The following JAM3 variants were observed in gnomAD, a reference collection of about 807,000 sequenced individuals.
JAM3 encodes the protein junctional adhesion molecule 3, also known as junctional adhesion molecule C.
In JAM3, 31 loss-of-function variants were observed where a neutral mutation model predicts 39.4. The observed-to-expected ratio is 0.79, with a 90% CI of 0.59 to 1.06. The LOEUF is 1.06. Ranked by LOEUF, JAM3 falls within the 50% of genes least tolerant of loss-of-function variation. The probability of loss-of-function intolerance (pLI) is 0.00; values close to 1 mark genes in which losing one functional copy is unlikely to be tolerated. For missense variants in JAM3, 455 were observed against 391.4 expected (o/e 1.16, Z -1.37); for synonymous variants, 182 against 148.7 (o/e 1.22, Z -1.63).
chr11:134,149,250 G>A lies in JAM3; in HGVS notation c.*69G>A, dbSNP rs1381973902. On this transcript the variant is annotated 3_prime_UTR_variant, in exon 9 of 9. Transcript: ENST00000299106. ...ACCTCTGCTAGAAACTCCTGTCAAG[G>A]CAGCGAGAGCTGATGCACTCGGACA... The A allele has an allele frequency of 1.3e-6, 2 of 1,591,296 alleles. No individual in the cohort carries two copies. Among genetic ancestry groups the A allele is most frequent in the Non-Finnish European group, 1.7e-6 (2 of 1,160,710 alleles).
At chr11:134,148,261 G>A (rs578193003) in intron 6 of JAM3, 96 of 461,938 alleles carry the variant, frequency 2.1e-4, no homozygotes, top group African/African-American at 1.5e-3. Flanking sequence ...TCAGCCAGAG[G>A]ATTTTTAAGC....
At chr11:134,136,041 G>T (rs1224619352) in intron 1 of JAM3, among the ~76,000 whole-genome samples, 1 of 152,080 alleles carries the variant, frequency 6.6e-6, no homozygotes, top group Admixed American at 6.5e-5. Context: ...TTGCACTCCA[G>T]CCTGGGTGAC....
At chr11:134,095,729 C>G (rs187100040) in intron 1 of JAM3, among the ~76,000 whole-genome samples, 3 of 152,072 alleles carry the variant, frequency 2.0e-5, no homozygotes, top group Non-Finnish European at 4.4e-5. Context: ...TACTCAGTTA[C>G]GAGTGTGCTG....
intron 1 of JAM3, among the ~76,000 whole-genome samples, chr11:134,108,904 G>A (rs1018571792): frequency 1.6e-4 from 24 of 152,244 alleles, no homozygotes; most frequent in African/African-American, 5.8e-4. Context: ...CCATGAAAAA[G>A]TTATAGGTAA....
At chr11:134,086,059 C>T (rs1186113636) in intron 1 of JAM3, among the ~76,000 whole-genome samples, 1 of 152,146 alleles carries the variant, frequency 6.6e-6, no homozygotes, top group Non-Finnish European at 1.5e-5. Flanking sequence ...ATAATCTCCT[C>T]ACATATTTGA....
Position 134,114,716 on chromosome 11 carries a change from T to G in JAM3, c.77-25135T>G, listed in dbSNP as rs556048612. On this transcript the variant is annotated intron_variant, in intron 1 of 8. Coordinates refer to ENST00000299106, the MANE Select transcript of JAM3 (RefSeq NM_032801.5). ...CACTGTGGTCAGAAAACAAACTTTG[T>G]ATGACTTGAATCTTTTAAAACGTAT... is the stretch of plus-strand genomic sequence containing the variant. 3.3e-5 allele frequency among the ~76,000 whole-genome samples: 5 copies of G among 152,362 alleles called. No individual in the cohort carries two copies. The East Asian group carries it at 9.6e-4, about 29-fold the overall frequency.
intron 3 of JAM3, among the ~76,000 whole-genome samples, chr11:134,143,020 A>G (rs1279311808): frequency 3.3e-5 from 5 of 152,084 alleles, no homozygotes; most frequent in Admixed American, 1.3e-4. Context: ...GGTTGTTTCC[A>G]CTTTTTGGCT....
At chr11:134,099,201 AAAAAAT>A (rs546835822) in intron 1 of JAM3, among the ~76,000 whole-genome samples, 6 of 152,148 alleles carry the variant, frequency 3.9e-5, no homozygotes, top group East Asian at 1.9e-4. Context: ...ACCCTATTTC[AAAAAAT>A]AAAAATAAAA....
chr11:134,144,781 T>G lies in JAM3; in HGVS notation c.410-11T>G. 2.5e-6 allele frequency: 4 copies of G among 1,613,062 alleles called. No homozygotes were observed. The highest frequency in any genetic ancestry group is 3.4e-6 in the Non-Finnish European group (4 of 1,179,100). On this transcript the variant is annotated splice_polypyrimidine_tract_variant and intron_variant, in intron 4 of 8. Transcript: ENST00000299106. ...ACTGAGATCTTAAACACCACCCCTT[T>G]TTCCCCACAGTGAAGCCAGTGACCC...
Position 134,119,427 on chromosome 11 carries a change from A to G in JAM3, c.77-20424A>G, listed in dbSNP as rs73042006. 7.3e-3 allele frequency among the ~76,000 whole-genome samples: 1,118 copies of G among 152,270 alleles called. 7 individuals carry two copies. Among genetic ancestry groups the G allele is most frequent in the Non-Finnish European group, 0.011 (753 of 68,024 alleles). ...TGTCTATACAGTGAAATGACTTAAG[A>G]TTTTTCTTTTAAGAAGTGCCATTGC... On this transcript the variant is annotated intron_variant, in intron 1 of 8. Transcript: ENST00000299106.
At chr11:134,098,125 T>C (rs2120670111) in intron 1 of JAM3, among the ~76,000 whole-genome samples, 1 of 152,252 alleles carries the variant, frequency 6.6e-6, no homozygotes, top group African/African-American at 2.4e-5. Flanking sequence ...ACCCAGGGCA[T>C]CGTGCTAAAG....
intron 1 of JAM3, among the ~76,000 whole-genome samples, chr11:134,088,816 G>C (rs937652696): frequency 6.6e-6 from 1 of 152,134 alleles, no homozygotes; most frequent in Non-Finnish European, 1.5e-5. Context: ...TTGAGATGGA[G>C]TCTCACTCTG....
chr11:134,100,166 C>CT (rs1942048347), intron 1 of JAM3, among the ~76,000 whole-genome samples: 1 of 151,796 alleles, frequency 6.6e-6, no homozygotes, highest in Non-Finnish European at 1.5e-5. Context: ...CCCTTTCCTC[C>CT]TTAAAAAAAA....
intron 1 of JAM3, among the ~76,000 whole-genome samples, chr11:134,087,148 A>T (rs1001736034): frequency 1.3e-5 from 2 of 152,074 alleles, no homozygotes; most frequent in African/African-American, 4.8e-5. Flanking sequence ...TAGTGAAATG[A>T]AGCAACAGAA....
chr11:134,097,387 G>A (rs1942002851), intron 1 of JAM3, among the ~76,000 whole-genome samples: 1 of 152,180 alleles, frequency 6.6e-6, no homozygotes, highest in Non-Finnish European at 1.5e-5. Context: ...CTCTTCTACA[G>A]CACTTGCTCA....
Position 134,098,625 on chromosome 11 carries a change from T to C in JAM3, c.76+29466T>C, listed in dbSNP as rs541989315. On this transcript the variant is annotated intron_variant, in intron 1 of 8. Transcript: ENST00000299106. ...CTAAAATGGCAGAGAGAAATCCTTG[T>C]TGCATCATAACAAGGACATTGTCAA... 2.0e-5 allele frequency among the ~76,000 whole-genome samples: 3 copies of C among 152,278 alleles called. No individual in the cohort carries two copies. In the East Asian group the frequency reaches 5.8e-4, roughly 29 times the overall value.
At chr11:134,089,359 A>ATG (rs1941801716) in intron 1 of JAM3, among the ~76,000 whole-genome samples, 3 of 151,734 alleles carry the variant, frequency 2.0e-5, no homozygotes, top group African/African-American at 7.3e-5. Context: ...TGTGCACAGC[A>ATG]TGCAGGTTAG....
intron 1 of JAM3, among the ~76,000 whole-genome samples, chr11:134,120,829 C>G (rs1047806132): frequency 1.3e-5 from 2 of 152,210 alleles, no homozygotes; most frequent in African/African-American, 4.8e-5. Context: ...AATTTGTGGG[C>G]TGAGACTAAC....
intron 1 of JAM3, among the ~76,000 whole-genome samples, chr11:134,077,058 C>T (rs1941582187): frequency 6.6e-6 from 1 of 152,018 alleles, no homozygotes; most frequent in Non-Finnish European, 1.5e-5. Context: ...TGGTCTCGAA[C>T]TCCTGACCTT....
Sources: gnomAD v4.1 joint callset for allele counts (sites outside exome capture counted in the v4.1 genomes callset) on GRCh38, gnomAD v4.1.1 for gene constraint, MANE v1.5 for transcripts, NCBI Gene and HGNC (gene_info 2026-07-23, HGNC 2026-07-21) for gene names.